CTDSPL2: variants seen among roughly 807,000 people sequenced by gnomAD.
CTDSPL2 encodes CTD small phosphatase like 2, also known as CTD small phosphatase-like protein 2.
A neutral mutation model predicts 60.0 loss-of-function variants in CTDSPL2; 5 were observed. The observed-to-expected ratio is 0.08, with a 90% CI of 0.04 to 0.18. CTDSPL2 has a LOEUF of 0.18. Among genes scored for constraint, CTDSPL2 ranks in the 10% least tolerant of loss-of-function variants. The pLI, the probability that CTDSPL2 is intolerant of heterozygous loss-of-function variation, is 1.00. For synonymous variants in CTDSPL2, 186 were observed against 189.3 expected (o/e 0.98, Z 0.14); for missense variants, 370 against 548.8 (o/e 0.67, Z 3.26).
intron 2 of CTDSPL2, among the ~76,000 whole-genome samples, chr15:44,479,932 T>C (rs1473572435): frequency 6.6e-6 from 1 of 152,214 alleles, no homozygotes; most frequent in Non-Finnish European, 1.5e-5. Flanking sequence ...AGGGTATCTC[T>C]TTGAACAAAT....
intron 1 of CTDSPL2, among the ~76,000 whole-genome samples, chr15:44,433,935 A>G (rs773168396): frequency 5.6e-4 from 83 of 148,654 alleles, no homozygotes; most frequent in Non-Finnish European, 7.3e-4. Context: ...CCTGGGCAAC[A>G]GAGCAAGACT....
chr15:44,496,376 A>G lies in CTDSPL2; in HGVS notation c.692-4A>G, dbSNP rs1290481637. ...AACATTTTTTCTTTCACTATGTTAAATAGCACCAGTAACTCCAGATAGTGG... is the reference window on the plus strand; with the variant it reads ...AACATTTTTTCTTTCACTATGTTAAGTAGCACCAGTAACTCCAGATAGTGG... On this transcript the variant is annotated splice_region_variant and splice_polypyrimidine_tract_variant and intron_variant, in intron 5 of 12. Transcript: ENST00000260327. 4 of 1,607,846 alleles carry G rather than the reference A, an allele frequency of 2.5e-6. No homozygotes were observed. The African/African-American group carries it at 4.0e-5, about 16-fold the overall frequency.
Position 44,519,162 on chromosome 15 carries a change from T to A in CTDSPL2, c.1113-7T>A. The A allele has an allele frequency of 6.7e-7, 1 of 1,498,554 alleles. No homozygotes were observed. The highest frequency in any genetic ancestry group is 8.8e-7 in the Non-Finnish European group (1 of 1,132,326). 92.8% of individuals were successfully genotyped at this position (1,498,554 alleles called of 1,614,324 possible). On this transcript the variant is annotated splice_region_variant and splice_polypyrimidine_tract_variant and intron_variant, in intron 10 of 12. Coordinates refer to ENST00000260327, the MANE Select transcript of CTDSPL2 (RefSeq NM_016396.3). ...TTTTTTTAATTTGTTTTTATTTTTA[T>A]GTTTAGGCACCGGCTTTTCCGTGAA...
intron 1 of CTDSPL2, among the ~76,000 whole-genome samples, chr15:44,444,561 G>A (rs895884039): frequency 1.4e-4 from 21 of 151,664 alleles, no homozygotes; most frequent in African/African-American, 4.4e-4. Flanking sequence ...GTCCAGGCTG[G>A]TCTTGAACTC....
At chr15:44,496,547 TGC>T (rs1294613346) in intron 6 of CTDSPL2, 89 bp downstream of exon 6, 1 of 952,660 alleles carries the variant, frequency 1.0e-6, no homozygotes, top group African/African-American at 1.6e-5. Flanking sequence ...AATAGTATAT[TGC>T]CAAGATATGT....
intron 1 of CTDSPL2, among the ~76,000 whole-genome samples, chr15:44,444,866 T>TTTTTTTTG (rs1567062074): frequency 7.2e-6 from 1 of 139,690 alleles, no homozygotes; most frequent in Non-Finnish European, 1.5e-5. Flanking sequence ...TTTTTTTTTT[T>TTTTTTTTG]AGACGGAGTC....
Position 44,491,008 on chromosome 15 carries a change from A to T in CTDSPL2, c.691+9A>T. 1.9e-6 allele frequency: 3 copies of T among 1,605,048 alleles called. No individual in the cohort carries two copies. The highest frequency in any genetic ancestry group is 2.6e-6 in the Non-Finnish European group (3 of 1,173,910). On this transcript the variant is annotated intron_variant, in intron 5 of 12. Coordinates refer to ENST00000260327, the MANE Select transcript of CTDSPL2 (RefSeq NM_016396.3). ...TATCCCACCCCTTACAGGTGAAGAA[A>T]ATTTCTTTTCTTATACATCTTCATG...
At chr15:44,462,689 A>G (rs2080597371) in intron 2 of CTDSPL2, among the ~76,000 whole-genome samples, 2 of 144,422 alleles carry the variant, frequency 1.4e-5, no homozygotes, top group South Asian at 4.4e-4. Flanking sequence ...CTTGAACTAG[A>G]ACACTCAGGA....
At chr15:44,498,051 C>G (rs553094133) in intron 7 of CTDSPL2, among the ~76,000 whole-genome samples, 1 of 152,166 alleles carries the variant, frequency 6.6e-6, no homozygotes, top group African/African-American at 2.4e-5. Flanking sequence ...CAATGATCTC[C>G]TATCATTTGC....
chr15:44,522,296 A>C (rs979153269), intron 12 of CTDSPL2, among the ~76,000 whole-genome samples: 1 of 152,090 alleles, frequency 6.6e-6, no homozygotes, highest in Non-Finnish European at 1.5e-5. Context: ...AGCCTCCCAT[A>C]ATGCTGGGAT....
intron 3 of CTDSPL2, 107 bp downstream of exon 3, chr15:44,484,469 T>A: frequency 9.4e-7 from 1 of 1,059,220 alleles, no homozygotes; most frequent in Non-Finnish European, 1.4e-6. Context: ...GTGCAGTGGC[T>A]CATGCCTGTA....
chr15:44,492,134 G>T (rs1421130467), intron 5 of CTDSPL2, among the ~76,000 whole-genome samples: 1 of 152,040 alleles, frequency 6.6e-6, no homozygotes, highest in Non-Finnish European at 1.5e-5. Context: ...CTCCGAAAGT[G>T]CTGGGATTAC....
chr15:44,447,558 A>G (rs1446615000), intron 1 of CTDSPL2: 1 of 152,290 alleles, frequency 6.6e-6, no homozygotes, highest in Non-Finnish European at 1.5e-5. Context: ...CAAAATATTG[A>G]TGTTTAAAAA....
chr15:44,491,229 TTAC>T (rs576876675), intron 5 of CTDSPL2, among the ~76,000 whole-genome samples: 1 of 152,214 alleles, frequency 6.6e-6, no homozygotes, highest in Non-Finnish European at 1.5e-5. Flanking sequence ...AGTTTAATTA[TTAC>T]TACTAATCTT....
intron 4 of CTDSPL2, among the ~76,000 whole-genome samples, chr15:44,487,966 A>T (rs2081149833): frequency 6.6e-6 from 1 of 152,060 alleles, no homozygotes; most frequent in Non-Finnish European, 1.5e-5. Context: ...AAAAATACAA[A>T]AGTTAGCTGG....
In CTDSPL2 at chr15:44,497,093, G is replaced by T; in HGVS notation, c.837G>T (p.Pro279=). The change falls in exon 7 of 13, where the codon CCG becomes CCT. Residue 279 remains proline (P), a synonymous_variant. Transcript: ENST00000260327. The part of the protein sequence containing the change: ...EEQLNRKPAL[P]LKTRSTPEFS... ...AACTAAATAGGAAACCTGCTCTTCC[G>T]TTGAAAACAAGAAGCACACCGGAAT... 1 of 1,611,048 alleles carries T rather than the reference G, an allele frequency of 6.2e-7. No individual in the cohort carries two copies. The highest frequency in any genetic ancestry group is 1.3e-5 in the African/African-American group (1 of 74,926).
chr15:44,521,344 A>G lies in CTDSPL2; in HGVS notation c.1273A>G (p.Met425Val), dbSNP rs140533030. The change falls in exon 12 of 13, where the codon ATG (methionine) becomes GTG (valine). Residue 425 changes from methionine (M) to valine (V), a missense_variant. Physicochemically the swap from Met to Val is conservative, Grantham distance 21. Around this residue, in one of 6 missense-constraint regions of CTDSPL2, gnomAD observed 46 missense variants for 126.0 expected, o/e 0.37. Coordinates refer to ENST00000260327, the MANE Select transcript of CTDSPL2 (RefSeq NM_016396.3). ...SNGIPIESWF[M>V]DKNDNELLKL... is the part of the protein sequence containing the mutation. ...TGGAATCCCTATAGAAAGTTGGTTT[A>G]TGGATAAAAATGACAATGAACTCCT... is the stretch of plus-strand genomic sequence containing the variant. 78 of 1,580,576 alleles carry G rather than the reference A, an allele frequency of 4.9e-5. No individual in the cohort carries two copies. In the African/African-American group the frequency reaches 9.6e-4, roughly 19 times the overall value.
chr15:44,501,276 G>T (rs942638513), intron 8 of CTDSPL2, among the ~76,000 whole-genome samples: 1 of 152,036 alleles, frequency 6.6e-6, no homozygotes, highest in African/African-American at 2.4e-5. Flanking sequence ...GATAAACAAT[G>T]ATTTTGAGAT....
intron 4 of CTDSPL2, among the ~76,000 whole-genome samples, chr15:44,488,355 G>A (rs1466446949): frequency 6.6e-6 from 1 of 152,038 alleles, no homozygotes; most frequent in Non-Finnish European, 1.5e-5. Context: ...AAGGATCAGA[G>A]GATAGAAAAT....
Sources: allele counts gnomAD v4.1 joint callset (sites outside exome capture counted in the v4.1 genomes callset), GRCh38; gene constraint gnomAD v4.1.1; regional missense constraint gnomAD v4.1.1; transcripts MANE v1.5; gene names NCBI Gene and HGNC (gene_info 2026-07-23, HGNC 2026-07-21).